Variants in CPEB2 observed in about 807,000 individuals in gnomAD.
CPEB2 encodes cytoplasmic polyadenylation element-binding protein 2.
A neutral mutation model predicts 93.6 loss-of-function variants in CPEB2; 56 were observed. The observed-to-expected ratio is 0.60, with a 90% CI of 0.48 to 0.75. CPEB2 has a LOEUF of 0.75. Ranked by LOEUF, CPEB2 falls within the 30% of genes least tolerant of loss-of-function variation. The pLI is 0.00. For missense variants in CPEB2, 1,579 were observed against 1,395.1 expected (o/e 1.13, Z -2.10); for synonymous variants, 764 against 586.3 (o/e 1.30, Z -4.38).
At chr4:15,013,244 A>G (rs1577373224) in intron 3 of CPEB2, among the ~76,000 whole-genome samples, 1 of 152,122 alleles carries the variant, frequency 6.6e-6, no homozygotes, top group African/African-American at 2.4e-5. Flanking sequence ...TAATCATTTT[A>G]TTCTGTTAGT....
At chr4:15,039,143 CTAAA>C (rs1726923883) in intron 5 of CPEB2, among the ~76,000 whole-genome samples, 2 of 152,070 alleles carry the variant, frequency 1.3e-5, no homozygotes, top group South Asian at 4.1e-4. Context: ...AGATTACAAG[CTAAA>C]TAAAGACACT....
At chr4:15,005,560 T>A (rs1249279599) in intron 1 of CPEB2, among the ~76,000 whole-genome samples, 10 of 152,230 alleles carry the variant, frequency 6.6e-5, no homozygotes, top group Non-Finnish European at 1.5e-4. Context: ...GTTCATTCTG[T>A]TTAAGTCCAT....
At chr4:15,015,496 C>G (rs534231051) in intron 3 of CPEB2, among the ~76,000 whole-genome samples, 19 of 152,120 alleles carry the variant, frequency 1.2e-4, no homozygotes, top group African/African-American at 4.3e-4. Flanking sequence ...GCAACTTAGT[C>G]TACAGTACTG....
intron 4 of CPEB2, among the ~76,000 whole-genome samples, chr4:15,030,142 T>G (rs1725938148): frequency 6.6e-6 from 1 of 152,088 alleles, no homozygotes; most frequent in South Asian, 2.1e-4. Context: ...GAGAAATTAG[T>G]TTTATAGTAA....
At chr4:15,024,463 T>C (rs550458218) in intron 4 of CPEB2, among the ~76,000 whole-genome samples, 10 of 152,342 alleles carry the variant, frequency 6.6e-5, no homozygotes, top group African/African-American at 2.4e-4. Flanking sequence ...TTGCTTTAAG[T>C]GTGGCATCAT....
Position 15,004,274 on chromosome 4 carries a change from A to G in CPEB2, c.1601A>G (p.Gln534Arg). 1 of 1,492,750 alleles carries G rather than the reference A, an allele frequency of 6.7e-7. No individual in the cohort carries two copies. The allele number at this position is 1,492,750 out of a possible 1,614,324, so 92.5% of individuals were successfully genotyped here. Residue 534 changes from glutamine to arginine, a missense_variant, in exon 1 of 12, where the codon CAG becomes CGG. Gln to Arg is a conservative substitution (Grantham distance 43). This residue lies in a region of CPEB2 where 1,411 missense variants were observed against 1,056.0 expected (regional missense o/e 1.34). Coordinates refer to ENST00000538197, the MANE Select transcript of CPEB2 (RefSeq NM_001177382.2). Reference protein sequence around the residue: ...RRSPVSPQLQQQHQAAAAAFL... With the variant: ...RRSPVSPQLQRQHQAAAAAFL... ...TCGCCCGTCAGCCCGCAGCTCCAGC[A>G]GCAGCACCAGGCGGCGGCCGCCGCC...
chr4:15,051,336 G>A (rs1246694845), intron 6 of CPEB2, among the ~76,000 whole-genome samples: 1 of 151,968 alleles, frequency 6.6e-6, no homozygotes, highest in Non-Finnish European at 1.5e-5. Flanking sequence ...AGCCTCAAAG[G>A]GCTTTTCTGG....
chr4:15,021,480 C>T, intron 4 of CPEB2, among the ~76,000 whole-genome samples: 1 of 151,924 alleles, frequency 6.6e-6, no homozygotes, highest in Non-Finnish European at 1.5e-5. Flanking sequence ...AGCTCTTTTC[C>T]TTCCCTGCCC....
chr4:15,022,091 G>A (rs1357133450), intron 4 of CPEB2, among the ~76,000 whole-genome samples: 1 of 152,098 alleles, frequency 6.6e-6, no homozygotes, highest in Non-Finnish European at 1.5e-5. Context: ...GAACTGTCGA[G>A]CCAGACAGAG....
At chr4:15,027,950 A>T (rs955584243) in intron 4 of CPEB2, among the ~76,000 whole-genome samples, 12 of 152,178 alleles carry the variant, frequency 7.9e-5, no homozygotes, top group African/African-American at 2.7e-4. Context: ...TAAGTGGTGG[A>T]ACTTGGTAGC....
Position 15,052,491 on chromosome 4 carries a change from C to T in CPEB2, c.2278C>T (p.Pro760Ser), listed in dbSNP as rs774302507. The part of the protein sequence containing the change: ...HSDQVGVLNS[P>S]TCYSAHQNGE... Reference sequence around the variant, plus strand: ...TGATCAAGTTGGAGTTTTAAATTCACCCACCTGTTATTCAGCTCACCAAAA... The same window carrying T: ...TGATCAAGTTGGAGTTTTAAATTCATCCACCTGTTATTCAGCTCACCAAAA... Residue 760 changes from proline (P) to serine (S), a missense_variant, in exon 7 of 12, where the codon CCC (proline) becomes TCC (serine). By Grantham distance (74) the Pro-to-Ser change is moderately conservative. Around this residue, in one of 2 missense-constraint regions of CPEB2, gnomAD observed 1,411 missense variants for 1,056.0 expected, o/e 1.34. Transcript: ENST00000538197. 3 of 1,597,714 alleles carry T rather than the reference C, an allele frequency of 1.9e-6. No homozygotes were observed. Among genetic ancestry groups the T allele is most frequent in the South Asian group, 1.1e-5 (1 of 89,208 alleles).
At chr4:15,047,786 C>T (rs570151217) in intron 6 of CPEB2, among the ~76,000 whole-genome samples, 47 of 151,870 alleles carry the variant, frequency 3.1e-4, no homozygotes, top group Admixed American at 5.2e-4. Context: ...ATAGAGTGAA[C>T]ATCCTTCCAA....
chr4:15,016,810 A>C (rs774934540), intron 3 of CPEB2, among the ~76,000 whole-genome samples: 2 of 152,024 alleles, frequency 1.3e-5, no homozygotes, highest in South Asian at 2.1e-4. Flanking sequence ...TCTATGTGCC[A>C]CTATCTGTCT....
chr4:15,014,813 A>G (rs751359782), intron 3 of CPEB2, among the ~76,000 whole-genome samples: 2 of 152,102 alleles, frequency 1.3e-5, no homozygotes, highest in Non-Finnish European at 2.9e-5. Flanking sequence ...AGGAAAATCA[A>G]CAAATTAGTT....
At chr4:15,017,869 G>C (rs1388907206) in intron 4 of CPEB2, 3 of 151,536 alleles carry the variant, frequency 2.0e-5, no homozygotes, top group African/African-American at 7.3e-5. Context: ...ACTTGTTTTT[G>C]TCTGTACATA....
chr4:15,021,499 T>C (rs1724811376), intron 4 of CPEB2, among the ~76,000 whole-genome samples: 1 of 152,158 alleles, frequency 6.6e-6, no homozygotes, highest in South Asian at 2.1e-4. Flanking sequence ...CCCCAACAAT[T>C]TGTAAAAAGG....
chr4:15,018,936 TTATATATA>T (rs56945294), intron 4 of CPEB2, among the ~76,000 whole-genome samples: 3,546 of 133,080 alleles, frequency 0.027, 63 homozygotes, highest in East Asian at 0.05. Context: ...AAGGGGAATT[TTATATATA>T]TATATATATA....
In CPEB2 at chr4:15,062,169, C is replaced by T; in HGVS notation, c.2786C>T (p.Ala929Val). 6.2e-7 allele frequency: 1 copy of T among 1,612,980 alleles called. No homozygotes were observed. The highest frequency in any genetic ancestry group is 8.5e-7 in the Non-Finnish European group (1 of 1,179,332). The change falls in exon 11 of 12, where the codon GCT (alanine) becomes GTT (valine). Residue 929 changes from alanine to valine, a missense_variant. Transcript: ENST00000538197. ...TDPELKYPKG[A>V]GRVAFSNQQS... ...CCTGAGCTAAAATACCCAAAAGGTG[C>T]TGGGCGAGTTGCTTTCTCCAATCAG...
rs1722439259 is a variant in CPEB2, at chr4:15,004,127, G to A, written c.1454G>A (p.Gly485Asp). 1 of 1,532,566 alleles carries A rather than the reference G, an allele frequency of 6.5e-7. No individual in the cohort carries two copies. The highest frequency in any genetic ancestry group is 2.0e-5 in the Admixed American group (1 of 49,622). The allele number at this position is 1,532,566 out of a possible 1,614,324, so 94.9% of individuals were successfully genotyped here. A position where few individuals can be genotyped will look rare whatever the true frequency, so the allele number is the denominator to read the frequency against. The change falls in exon 1 of 12, where the codon GGC (glycine) becomes GAC (aspartate). Residue 485 changes from glycine to aspartate, a missense_variant. Around this residue, in one of 2 missense-constraint regions of CPEB2, gnomAD observed 1,411 missense variants for 1,056.0 expected, o/e 1.34. Transcript: ENST00000538197. ...GLSVPTSGGGGGGFGGPFSAT... is the reference protein window; with the variant it reads ...GLSVPTSGGGDGGFGGPFSAT... ...AGCGTTCCGACGAGCGGCGGCGGCGGCGGCGGCTTCGGCGGCCCCTTCTCG... is the reference window on the plus strand; with the variant it reads ...AGCGTTCCGACGAGCGGCGGCGGCGACGGCGGCTTCGGCGGCCCCTTCTCG...
Sources: allele counts gnomAD v4.1 joint callset (sites outside exome capture counted in the v4.1 genomes callset), GRCh38; gene constraint gnomAD v4.1.1; regional missense constraint gnomAD v4.1.1; transcripts MANE v1.5; gene names NCBI Gene and HGNC (gene_info 2026-07-23, HGNC 2026-07-21).